ARB2A: variants seen among roughly 807,000 people sequenced by gnomAD.
The protein encoded by ARB2A is ARB2 cotranscriptional regulator A.
At chr5:93,659,690 A>G in the ARB2A span, among the ~76,000 whole-genome samples, 2 of 152,138 alleles carry the variant, frequency 1.3e-5, no homozygotes, top group Admixed American at 6.6e-5. Context: ...GATGCCAATA[A>G]ACATTTATTG....
the ARB2A span, among the ~76,000 whole-genome samples, chr5:93,969,613 A>G: frequency 6.6e-6 from 1 of 152,250 alleles, no homozygotes; most frequent in Non-Finnish European, 1.5e-5. Context: ...TTAAAAGGAG[A>G]GCAGGGGTGA....
the ARB2A span, among the ~76,000 whole-genome samples, chr5:93,997,790 G>A: frequency 2.6e-5 from 4 of 152,058 alleles, no homozygotes; most frequent in South Asian, 2.1e-4. Context: ...TCAACTGACA[G>A]TCCATGACTT....
the ARB2A span, among the ~76,000 whole-genome samples, chr5:93,857,487 T>C: frequency 1.3e-5 from 2 of 152,050 alleles, no homozygotes; most frequent in Admixed American, 1.3e-4. Context: ...GCCTGGGCAA[T>C]GGTGGGCGCC....
At chr5:93,986,340 C>T in the ARB2A span, among the ~76,000 whole-genome samples, 21 of 151,422 alleles carry the variant, frequency 1.4e-4, no homozygotes, top group Non-Finnish European at 2.8e-4. Flanking sequence ...CGCCCCCGCC[C>T]GGCAGCCACC....
the ARB2A span, among the ~76,000 whole-genome samples, chr5:93,622,381 T>A: frequency 6.6e-6 from 1 of 152,244 alleles, no homozygotes; most frequent in Non-Finnish European, 1.5e-5. Context: ...CTATGGTTAC[T>A]CTACAATGGT....
the ARB2A span, among the ~76,000 whole-genome samples, chr5:93,708,442 C>G: frequency 6.6e-6 from 1 of 152,158 alleles, no homozygotes; most frequent in Non-Finnish European, 1.5e-5. Flanking sequence ...TTGTGGAAGA[C>G]AATTTTTCCA....
chr5:93,679,231 C>T, the ARB2A span, among the ~76,000 whole-genome samples: 1 of 151,654 alleles, frequency 6.6e-6, no homozygotes, highest in Admixed American at 6.6e-5. Flanking sequence ...TAAATATGCA[C>T]ATATGTATGA....
the ARB2A span, chr5:93,740,497 A>G: frequency 7.0e-7 from 1 of 1,436,410 alleles, no homozygotes; most frequent in Non-Finnish European, 9.4e-7. Flanking sequence ...AAAGCCCTCA[A>G]ATGAACCCTA....
At chr5:93,837,981 C>T in the ARB2A span, among the ~76,000 whole-genome samples, 1 of 152,038 alleles carries the variant, frequency 6.6e-6, no homozygotes, top group African/African-American at 2.4e-5. Flanking sequence ...TTGATAGTTT[C>T]TTTTGCTGTG....
the ARB2A span, among the ~76,000 whole-genome samples, chr5:93,778,073 TTCTC>T: frequency 1.2e-4 from 19 of 152,328 alleles, no homozygotes; most frequent in South Asian, 4.1e-4. Flanking sequence ...CTTAAATACT[TTCTC>T]TCTTTTTACA....
the ARB2A span, among the ~76,000 whole-genome samples, chr5:93,689,481 ACTG>A: frequency 6.6e-6 from 1 of 152,202 alleles, no homozygotes; most frequent in African/African-American, 2.4e-5. Context: ...AGTTTCCCAT[ACTG>A]CTAAGACGCA....
chr5:93,750,226 T>C, the ARB2A span, among the ~76,000 whole-genome samples: 1 of 152,162 alleles, frequency 6.6e-6, no homozygotes, highest in African/African-American at 2.4e-5. Context: ...GGGGATGAAT[T>C]GAAGATGATT....
the ARB2A span, among the ~76,000 whole-genome samples, chr5:94,038,425 T>C: frequency 1.3e-5 from 2 of 152,118 alleles, no homozygotes; most frequent in African/African-American, 2.4e-5. Flanking sequence ...TTTCTAAATT[T>C]GGAGAAATTA....
At chr5:93,844,631 C>A in the ARB2A span, among the ~76,000 whole-genome samples, 1 of 151,986 alleles carries the variant, frequency 6.6e-6, no homozygotes, top group Admixed American at 6.6e-5. Context: ...AAGAGGAAGA[C>A]ATGAAGTATG....
chr5:93,723,267 T>C, the ARB2A span, among the ~76,000 whole-genome samples: 4 of 152,164 alleles, frequency 2.6e-5, no homozygotes, highest in African/African-American at 9.7e-5. Context: ...AACCTGTTAA[T>C]ACCTTTAAAT....
the ARB2A span, among the ~76,000 whole-genome samples, chr5:93,913,186 G>C: frequency 6.6e-6 from 1 of 151,762 alleles, no homozygotes. Context: ...TTCCTAAAAG[G>C]GTCCCATATG....
At chr5:93,880,006 TA>T in the ARB2A span, among the ~76,000 whole-genome samples, 2 of 151,840 alleles carry the variant, frequency 1.3e-5, no homozygotes, top group African/African-American at 4.8e-5. Context: ...GTACAACTGA[TA>T]GAGAAGATGG....
At chr5:93,919,048 T>C in the ARB2A span, among the ~76,000 whole-genome samples, 1 of 152,192 alleles carries the variant, frequency 6.6e-6, no homozygotes, top group Non-Finnish European at 1.5e-5. Flanking sequence ...TGTTTGGTGG[T>C]AGGTATCAGG....
the ARB2A span, among the ~76,000 whole-genome samples, chr5:93,634,816 C>T: frequency 1.3e-5 from 2 of 151,908 alleles, no homozygotes; most frequent in Admixed American, 1.3e-4. Context: ...GCTCTTGTTG[C>T]CCAGGCTGGA....
Sources: allele counts gnomAD v4.1 joint callset (sites outside exome capture counted in the v4.1 genomes callset), GRCh38; gene constraint gnomAD v4.1.1; transcripts MANE v1.5; gene names NCBI Gene and HGNC (gene_info 2026-07-23, HGNC 2026-07-21).